SLC24A2: variants seen among roughly 807,000 people sequenced by gnomAD.
The protein encoded by SLC24A2 is sodium/potassium/calcium exchanger 2.
Under a neutral mutation model 62.0 loss-of-function variants are expected in SLC24A2, and 36 were observed. The observed-to-expected ratio is 0.58, with a 90% confidence interval of 0.44 to 0.77. The LOEUF is 0.77. Among genes scored for constraint, SLC24A2 ranks in the 30% least tolerant of loss-of-function variants. The probability of loss-of-function intolerance (pLI) is 0.00; values close to 1 mark genes in which losing one functional copy is unlikely to be tolerated. For synonymous variants in SLC24A2, 358 were observed against 294.0 expected (o/e 1.22, Z -2.23); for missense variants, 846 against 817.9 (o/e 1.03, Z -0.42).
At chr9:19,531,352 T>C (rs1833700676) in intron 8 of SLC24A2, among the ~76,000 whole-genome samples, 3 of 152,158 alleles carry the variant, frequency 2.0e-5, no homozygotes, top group Non-Finnish European at 2.9e-5. Context: ...AGGAAGAAAA[T>C]AGCTCTTGGA....
the SLC24A2 span, among the ~76,000 whole-genome samples, chr9:19,947,820 G>GAAAGA: frequency 9.9e-6 from 1 of 100,718 alleles, no homozygotes; most frequent in African/African-American, 2.8e-5. Context: ...AAGAAAGAAA[G>GAAAGA]AAAGAAAGAA....
At chr9:20,165,661 T>C in the SLC24A2 span, among the ~76,000 whole-genome samples, 1 of 152,000 alleles carries the variant, frequency 6.6e-6, no homozygotes, top group African/African-American at 2.4e-5. Context: ...GGGATCCATG[T>C]TTTTTAAAAA....
At chr9:20,202,326 T>C in the SLC24A2 span, among the ~76,000 whole-genome samples, 1 of 152,218 alleles carries the variant, frequency 6.6e-6, no homozygotes, top group Non-Finnish European at 1.5e-5. Context: ...AGGTGATTGT[T>C]GTTGTTAACC....
the SLC24A2 span, among the ~76,000 whole-genome samples, chr9:19,946,563 T>C: frequency 6.6e-6 from 1 of 152,184 alleles, no homozygotes; most frequent in African/African-American, 2.4e-5. Flanking sequence ...GTAAATCAGC[T>C]AAGGAGTCTG....
the SLC24A2 span, among the ~76,000 whole-genome samples, chr9:19,847,444 C>T: frequency 1.3e-5 from 2 of 152,154 alleles, no homozygotes; most frequent in African/African-American, 4.8e-5. Context: ...AATTGCATTA[C>T]CCTATCTTCT....
At chr9:20,040,392 TA>T in the SLC24A2 span, among the ~76,000 whole-genome samples, 1 of 152,174 alleles carries the variant, frequency 6.6e-6, no homozygotes, top group Non-Finnish European at 1.5e-5. Context: ...ATTCCAGCTT[TA>T]GGGTGGGAAG....
the SLC24A2 span, among the ~76,000 whole-genome samples, chr9:19,880,370 G>A: frequency 6.6e-6 from 1 of 152,186 alleles, no homozygotes; most frequent in Admixed American, 6.5e-5. Flanking sequence ...CACACATGGA[G>A]CATCCTTAGT....
chr9:19,577,167 C>T (rs1836043375), intron 5 of SLC24A2, 145 bp from the exon 6 acceptor site: 1 of 730,292 alleles, frequency 1.4e-6, no homozygotes, highest in African/African-American at 1.7e-5. Context: ...CAGGACCTTC[C>T]TGAAGGGTAC....
intron 2 of SLC24A2, among the ~76,000 whole-genome samples, chr9:19,634,240 T>C (rs537052983): frequency 6.8e-4 from 102 of 150,212 alleles, no homozygotes; most frequent in Non-Finnish European, 1.3e-3. Flanking sequence ...TGGAAGGTAC[T>C]GGGATTGAAA....
intron 10 of SLC24A2, among the ~76,000 whole-genome samples, chr9:19,519,864 C>G (rs548422865): frequency 2.1e-4 from 32 of 151,940 alleles, no homozygotes; most frequent in Admixed American, 8.5e-4. Context: ...TGAATACTCA[C>G]AGCAGAGTTT....
At chr9:19,829,198 C>G in the SLC24A2 span, among the ~76,000 whole-genome samples, 19 of 152,128 alleles carry the variant, frequency 1.2e-4, no homozygotes, top group Non-Finnish European at 2.5e-4. Context: ...CTCTGTGTCA[C>G]TTTTCTTGCT....
chr9:19,573,687 T>A lies in SLC24A2; in HGVS notation c.1229-218A>T, dbSNP rs886653524. On this transcript the variant is annotated intron_variant, in intron 6 of 10. Coordinates refer to ENST00000341998, the MANE Select transcript of SLC24A2 (RefSeq NM_020344.4). The stretch of plus-strand genomic sequence containing the variant: ...TGATATTGAGCCAAGCGGGAAAGGA[T>A]TTTTACCGTTCTTCCCCATGTCTTT... Among the ~76,000 whole-genome samples the A allele has an allele frequency of 1.7e-4, 26 of 151,886 alleles. 1 individual carries two copies. The highest frequency in any genetic ancestry group is 3.1e-4 in the Non-Finnish European group (21 of 67,960).
the SLC24A2 span, among the ~76,000 whole-genome samples, chr9:20,021,731 T>C: frequency 1.3e-5 from 2 of 152,130 alleles, no homozygotes; most frequent in South Asian, 4.2e-4. Flanking sequence ...CTCAGATTTC[T>C]CTCTATGTGT....
At chr9:20,061,162 AG>A in the SLC24A2 span, among the ~76,000 whole-genome samples, 1 of 152,214 alleles carries the variant, frequency 6.6e-6, no homozygotes, top group Non-Finnish European at 1.5e-5. Flanking sequence ...GCAATTTTGA[AG>A]AAAAACAAAG....
rs1296782513 is a variant in SLC24A2 at position 19,514,293 on chromosome 9, C to T, written c.*1860G>A. 6.6e-6 allele frequency: 1 copy of T among 151,984 alleles called. No homozygotes were observed. The highest frequency in any genetic ancestry group is 1.5e-5 in the Non-Finnish European group (1 of 68,034). 9.4% of individuals were successfully genotyped at this position (151,984 alleles called of 1,614,324 possible). On this transcript the variant is annotated 3_prime_UTR_variant, in exon 11 of 11. Transcript: ENST00000341998. ...CCTCTTATGTTAAGAGGTATGTGCT[C>T]ACAACAAAATCATAGCAGGCGTCAA...
At chr9:20,172,964 G>T in the SLC24A2 span, among the ~76,000 whole-genome samples, 6 of 151,836 alleles carry the variant, frequency 4.0e-5, no homozygotes, top group African/African-American at 1.5e-4. Context: ...ATCCAACAAC[G>T]TATCAAAAGA....
intron 7 of SLC24A2, among the ~76,000 whole-genome samples, chr9:19,555,646 G>C (rs189115668): frequency 6.6e-6 from 1 of 152,158 alleles, no homozygotes; most frequent in Non-Finnish European, 1.5e-5. Flanking sequence ...AACTTTATCA[G>C]GTTGAAAAGA....
chr9:19,559,093 C>T (rs754932872), intron 7 of SLC24A2, among the ~76,000 whole-genome samples: 2 of 152,124 alleles, frequency 1.3e-5, no homozygotes, highest in African/African-American at 4.8e-5. Context: ...AAGGCACTTA[C>T]AAGAGTATTT....
the SLC24A2 span, among the ~76,000 whole-genome samples, chr9:20,055,143 T>C: frequency 6.6e-6 from 1 of 152,046 alleles, no homozygotes; most frequent in Admixed American, 6.6e-5. Context: ...CTCCCTTCCA[T>C]CCACCTACAC....
Sources: gnomAD v4.1 joint callset for allele counts (sites outside exome capture counted in the v4.1 genomes callset) on GRCh38, gnomAD v4.1.1 for gene constraint, MANE v1.5 for transcripts, NCBI Gene and HGNC (gene_info 2026-07-23, HGNC 2026-07-21) for gene names.